Variants in CHST12 observed in about 807,000 individuals in gnomAD.
The protein encoded by CHST12 is carbohydrate sulfotransferase 12.
Under a neutral mutation model 27.9 loss-of-function variants are expected in CHST12, and 23 were observed. The observed-to-expected ratio is 0.82, with a 90% CI of 0.59 to 1.17. The LOEUF (loss-of-function observed/expected upper bound fraction) is 1.17, where lower values mean the gene tolerates loss of function less well. Ranked by LOEUF, CHST12 falls within the 50% of genes most tolerant of loss-of-function variation. The probability of loss-of-function intolerance (pLI) is 0.00; values close to 1 mark genes in which losing one functional copy is unlikely to be tolerated. For synonymous variants in CHST12, 322 were observed against 273.0 expected (o/e 1.18, Z -1.77); for missense variants, 682 against 603.0 (o/e 1.13, Z -1.37).
chr7:2,429,335 C>G (rs1397267019), intron 1 of CHST12, among the ~76,000 whole-genome samples: 1 of 151,908 alleles, frequency 6.6e-6, no homozygotes, highest in Non-Finnish European at 1.5e-5. Context: ...CTCAGCCTAC[C>G]AAAGTGCTAG....
chr7:2,433,120 G>T lies in CHST12; in HGVS notation c.481G>T (p.Asp161Tyr), dbSNP rs776631765. The change falls in exon 2 of 2, where the codon GAC becomes TAC. Residue 161 changes from aspartate to tyrosine, a missense_variant. By Grantham distance (160) the Asp-to-Tyr change is radical. Coordinates refer to ENST00000618655, the MANE Select transcript of CHST12 (RefSeq NM_018641.5). This position sits in a 1 kb window ranked among gnomAD's most constrained non-coding sequence, Gnocchi z 6.1. The stretch of plus-strand genomic sequence containing the variant: ...GGAGCTGAGCCACCTGATCGTGGAC[G>T]ACCGGCACGGGGCCATCTACTGCTA... ...NSELSHLIVD[D>Y]RHGAIYCYVP... 6 of 1,612,546 alleles carry T rather than the reference G, an allele frequency of 3.7e-6. No homozygotes were observed. Among genetic ancestry groups the T allele is most frequent in the East Asian group, 2.2e-5 (1 of 44,836 alleles).
Position 2,425,217 on chromosome 7 carries a change from A to C in CHST12, c.-77-7346A>C, listed in dbSNP as rs868510690. 7.0e-3 allele frequency among the ~76,000 whole-genome samples: 590 copies of C among 84,136 alleles called. 4 individuals carry two copies. Among genetic ancestry groups the C allele is most frequent in the African/African-American group, 0.026 (500 of 18,914 alleles). The allele number at this position is 84,136 out of a possible 152,430, so 55.2% of individuals were successfully genotyped here. A position where few individuals can be genotyped will look rare whatever the true frequency, so the allele number is the denominator to read the frequency against. ...AGACTCCGTCTCAAAAAAAAAAAAAAAACAACAAACAAAAAAAAAACGTAA... is the reference window on the plus strand; with the variant it reads ...AGACTCCGTCTCAAAAAAAAAAAAACAACAACAAACAAAAAAAAAACGTAA... On this transcript the variant is annotated intron_variant, in intron 1 of 1. Transcript: ENST00000618655.
In CHST12 at chr7:2,432,958, T is replaced by TC; in HGVS notation, c.323dup (p.Arg109AlafsTer286). 1 of 1,609,800 alleles carries TC rather than the reference T, an allele frequency of 6.2e-7. No homozygotes were observed. The highest frequency in any genetic ancestry group is 8.5e-7 in the Non-Finnish European group (1 of 1,177,982). On this transcript the variant is annotated frameshift_variant, in exon 2 of 2. Coordinates refer to ENST00000618655, the MANE Select transcript of CHST12 (RefSeq NM_018641.5). LOFTEE classifies it high-confidence loss of function. ...GGAGAGCGTGAGAGGCTACGACTGG[T>TC]CCCCGCGCGACGCCCGGCGCAGCCC...
intron 1 of CHST12, among the ~76,000 whole-genome samples, chr7:2,419,874 C>T (rs905372403): frequency 1.3e-5 from 2 of 151,862 alleles, no homozygotes; most frequent in African/African-American, 4.8e-5. Context: ...CTCCCATCCC[C>T]CTCCCCTGCC....
chr7:2,439,774 G>A lies in CHST12; in HGVS notation c.*5890G>A, dbSNP rs186982295. On this transcript the variant is annotated 3_prime_UTR_variant, in exon 2 of 2. Coordinates refer to ENST00000618655, the MANE Select transcript of CHST12 (RefSeq NM_018641.5). The stretch of plus-strand genomic sequence containing the variant: ...GGCGCCTGTAGTCCCAGCTACTCGG[G>A]AGGCTGAGGCAGGAGAATGGCGTGA... The A allele has an allele frequency of 0.011, 1,716 of 152,044 alleles. 15 individuals carry two copies. Among genetic ancestry groups the A allele is most frequent in the Admixed American group, 0.021 (314 of 15,292 alleles). The allele number at this position is 152,044 out of a possible 1,614,324, so 9.4% of individuals were successfully genotyped here.
chr7:2,439,792 T>G lies in CHST12; in HGVS notation c.*5908T>G, dbSNP rs1782558215. ...TACTCGGGAGGCTGAGGCAGGAGAATGGCGTGAACCCGGGAGGCGGAGCTT... is the reference window on the plus strand; with the variant it reads ...TACTCGGGAGGCTGAGGCAGGAGAAGGGCGTGAACCCGGGAGGCGGAGCTT... On this transcript the variant is annotated 3_prime_UTR_variant, in exon 2 of 2. Coordinates refer to ENST00000618655, the MANE Select transcript of CHST12 (RefSeq NM_018641.5). The G allele has an allele frequency of 6.6e-6, 1 of 151,556 alleles. No individual in the cohort carries two copies. The highest frequency in any genetic ancestry group is 2.4e-5 in the African/African-American group (1 of 41,330). The allele number at this position is 151,556 out of a possible 1,614,324, so 9.4% of individuals were successfully genotyped here.
intron 1 of CHST12, among the ~76,000 whole-genome samples, chr7:2,411,939 G>T (rs1000524666): frequency 3.3e-5 from 5 of 152,240 alleles, no homozygotes; most frequent in Non-Finnish European, 7.3e-5. Flanking sequence ...CCCAGTTTGG[G>T]AATATTGGAC....
chr7:2,430,078 C>T (rs1033019591), intron 1 of CHST12, among the ~76,000 whole-genome samples: 24 of 152,208 alleles, frequency 1.6e-4, no homozygotes, highest in East Asian at 7.7e-4. Context: ...CCACCGTGCC[C>T]GGCCTTTTCT....
intron 1 of CHST12, among the ~76,000 whole-genome samples, chr7:2,406,284 G>T (rs917573769): frequency 6.6e-6 from 1 of 150,866 alleles, no homozygotes; most frequent in African/African-American, 2.4e-5. Flanking sequence ...ACTTCCTGCT[G>T]TTAAGGTGGT....
In CHST12 at chr7:2,433,036, G is replaced by A. The variant is rs995176327; in HGVS notation, c.397G>A (p.Ala133Thr). The change falls in exon 2 of 2, where the codon GCC (alanine) becomes ACC (threonine). Residue 133 changes from alanine (A) to threonine (T), a missense_variant. Transcript: ENST00000618655. The surrounding 1 kb of genome is among the most constrained non-coding windows in gnomAD (Gnocchi z 6.1). ...GAGGAGCGTGCTGCGGGGCTTCTGC[G>A]CCAACTCCAGCCTGGCCTTCCCCAC... ...ERRSVLRGFCANSSLAFPTKE... is the reference protein window; with the variant it reads ...ERRSVLRGFCTNSSLAFPTKE... 1 of 1,611,322 alleles carries A rather than the reference G, an allele frequency of 6.2e-7. No homozygotes were observed. The highest frequency in any genetic ancestry group is 8.5e-7 in the Non-Finnish European group (1 of 1,179,528).
chr7:2,429,302 T>C (rs906737611), intron 1 of CHST12, among the ~76,000 whole-genome samples: 16 of 152,158 alleles, frequency 1.1e-4, no homozygotes, highest in Non-Finnish European at 1.5e-5. Context: ...CTTGAACTCC[T>C]TGACCTCAGG....
chr7:2,424,488 C>T (rs577748477), intron 1 of CHST12, among the ~76,000 whole-genome samples: 3 of 152,188 alleles, frequency 2.0e-5, no homozygotes, highest in South Asian at 4.2e-4. Context: ...TAGTCCAGTG[C>T]GTGAGAGGCA....
chr7:2,422,850 T>TAAGAA (rs199961070), intron 1 of CHST12, among the ~76,000 whole-genome samples: 3,878 of 151,986 alleles, frequency 0.026, 126 homozygotes, highest in African/African-American at 0.08. Context: ...TGCTGCTTTC[T>TAAGAA]TAGCCTTCAG....
At chr7:2,417,909 G>T (rs1467816779) in intron 1 of CHST12, among the ~76,000 whole-genome samples, 1 of 152,258 alleles carries the variant, frequency 6.6e-6, no homozygotes, top group African/African-American at 2.4e-5. Flanking sequence ...TGACCTTTTT[G>T]TGTGATCGAT....
At chr7:2,429,092 C>T (rs765371214) in intron 1 of CHST12, among the ~76,000 whole-genome samples, 8 of 152,300 alleles carry the variant, frequency 5.3e-5, no homozygotes, top group African/African-American at 1.7e-4. Flanking sequence ...ACTGCATGTC[C>T]GTTCATAGGC....
intron 1 of CHST12, among the ~76,000 whole-genome samples, chr7:2,423,471 C>T (rs541755037): frequency 6.6e-6 from 1 of 152,236 alleles, no homozygotes; most frequent in Non-Finnish European, 1.5e-5. Flanking sequence ...AGCAGGCCCT[C>T]TGATGCTCAC....
At chr7:2,410,074 G>T (rs1432058046) in intron 1 of CHST12, among the ~76,000 whole-genome samples, 1 of 152,088 alleles carries the variant, frequency 6.6e-6, no homozygotes, top group African/African-American at 2.4e-5. Context: ...GAGCCGCCAC[G>T]CCCGGCCGAG....
At chr7:2,409,430 C>T (rs1342174859) in intron 1 of CHST12, among the ~76,000 whole-genome samples, 1 of 152,148 alleles carries the variant, frequency 6.6e-6, no homozygotes, top group Non-Finnish European at 1.5e-5. Context: ...GCCTGGGCAA[C>T]ATGGCGAAAC....
chr7:2,414,223 TA>T (rs1462678370), intron 1 of CHST12, among the ~76,000 whole-genome samples: 18 of 152,206 alleles, frequency 1.2e-4, no homozygotes, highest in African/African-American at 4.1e-4. Flanking sequence ...TAGATATACA[TA>T]TTGAGAATAT....
Sources: allele counts gnomAD v4.1 joint callset (sites outside exome capture counted in the v4.1 genomes callset), GRCh38; gene constraint gnomAD v4.1.1; non-coding constraint Gnocchi (gnomAD v3.1); transcripts MANE v1.5; gene names NCBI Gene and HGNC (gene_info 2026-07-23, HGNC 2026-07-21).